EDIL3: variants seen among roughly 807,000 people sequenced by gnomAD.
EDIL3 encodes EGF-like repeat and discoidin I-like domain-containing protein 3.
In EDIL3, 37 loss-of-function variants were observed where a neutral mutation model predicts 67.4. The ratio of observed to expected loss-of-function variants is 0.55; its 90% CI spans 0.42 to 0.72. The LOEUF is 0.72. Among genes scored for constraint, EDIL3 ranks in the 30% least tolerant of loss-of-function variants. EDIL3 has a pLI of 0.00. For synonymous variants in EDIL3, 195 were observed against 196.3 expected, an observed-to-expected ratio of 0.99 and a Z score of 0.05; for missense variants, 527 against 586.3, an observed-to-expected ratio of 0.90 and a Z score of 1.04.
chr5:84,154,292 G>A (rs965902719), intron 4 of EDIL3, among the ~76,000 whole-genome samples: 2 of 152,068 alleles, frequency 1.3e-5, no homozygotes, highest in East Asian at 3.9e-4. Context: ...GAGGGGCAAA[G>A]AATTGGGGCA....
At chr5:84,052,257 G>T (rs1259073694) in intron 9 of EDIL3, among the ~76,000 whole-genome samples, 1 of 152,200 alleles carries the variant, frequency 6.6e-6, no homozygotes, top group African/African-American at 2.4e-5. Flanking sequence ...ACAAGCAAAT[G>T]CTGAGAGATT....
At chr5:83,977,227 A>C (rs1744890624) in intron 9 of EDIL3, among the ~76,000 whole-genome samples, 1 of 151,874 alleles carries the variant, frequency 6.6e-6, no homozygotes, top group Non-Finnish European at 1.5e-5. Context: ...CTTCAGCTTT[A>C]ATTTCCTAAC....
intron 1 of EDIL3, among the ~76,000 whole-genome samples, chr5:84,264,646 T>C (rs1163577767): frequency 1.3e-5 from 2 of 152,212 alleles, no homozygotes; most frequent in Non-Finnish European, 2.9e-5. Flanking sequence ...TTAGATAATA[T>C]ATTTTTGTAA....
chr5:84,345,446 T>A (rs2112182289), intron 1 of EDIL3, among the ~76,000 whole-genome samples: 1 of 152,186 alleles, frequency 6.6e-6, no homozygotes, highest in East Asian at 1.9e-4. Context: ...TGACTTAGGT[T>A]GAATTTAAGA....
chr5:84,046,773 A>G (rs1746231587), intron 9 of EDIL3, among the ~76,000 whole-genome samples: 1 of 152,194 alleles, frequency 6.6e-6, no homozygotes, highest in Non-Finnish European at 1.5e-5. Flanking sequence ...ACAAACGAAA[A>G]TTCATTTGCA....
intron 1 of EDIL3, among the ~76,000 whole-genome samples, chr5:84,262,600 G>A (rs1197126625): frequency 4.3e-5 from 6 of 138,116 alleles, no homozygotes; most frequent in East Asian, 2.2e-4. Flanking sequence ...AATAAGTAGC[G>A]AAAATTTTGT....
At chr5:84,370,103 GA>G (rs1747813842) in intron 1 of EDIL3, among the ~76,000 whole-genome samples, 1 of 152,080 alleles carries the variant, frequency 6.6e-6, no homozygotes, top group African/African-American at 2.4e-5. Flanking sequence ...TACCTTTTTA[GA>G]AAGATATGTC....
chr5:84,062,061 C>T (rs2112237077), intron 8 of EDIL3, among the ~76,000 whole-genome samples: 1 of 152,092 alleles, frequency 6.6e-6, no homozygotes, highest in East Asian at 1.9e-4. Context: ...ACATGGAAAA[C>T]ATGACATGGA....
intron 9 of EDIL3, among the ~76,000 whole-genome samples, chr5:84,004,236 T>C (rs1015546576): frequency 6.6e-6 from 1 of 152,132 alleles, no homozygotes; most frequent in Non-Finnish European, 1.5e-5. Context: ...TGTGAGAATT[T>C]CAACAACCCA....
chr5:84,252,220 G>A (rs1745036744), intron 2 of EDIL3, among the ~76,000 whole-genome samples: 1 of 151,910 alleles, frequency 6.6e-6, no homozygotes, highest in Non-Finnish European at 1.5e-5. Context: ...GGCCGGGCGC[G>A]GTCGCTCACG....
intron 8 of EDIL3, among the ~76,000 whole-genome samples, chr5:84,063,084 A>G (rs1746572938): frequency 6.6e-6 from 1 of 152,152 alleles, no homozygotes; most frequent in Non-Finnish European, 1.5e-5. Flanking sequence ...GTAAAGTGTC[A>G]GGTGCAATGT....
intron 1 of EDIL3, among the ~76,000 whole-genome samples, chr5:84,281,962 A>C (rs1580053307): frequency 7.2e-6 from 1 of 139,654 alleles, no homozygotes; most frequent in East Asian, 2.1e-4. Flanking sequence ...TGCCTCCCGG[A>C]TTCAAGTGAT....
At chr5:84,100,904 T>C (rs565256866) in intron 6 of EDIL3, among the ~76,000 whole-genome samples, 1 of 152,234 alleles carries the variant, frequency 6.6e-6, no homozygotes, top group East Asian at 1.9e-4. Context: ...ATATTATTAC[T>C]ATTAGAAAAT....
rs530448346 is a variant in EDIL3 at position 84,366,131 on chromosome 5, T to A, written c.67+18177A>T. On this transcript the variant is annotated intron_variant, in intron 1 of 10. Coordinates refer to ENST00000296591, the MANE Select transcript of EDIL3 (RefSeq NM_005711.5). Reference sequence around the variant, plus strand: ...TATTTTGCCAAAAAGTAAAAAAATATATATAAAATAAAATAAAGAAAAACA... The same window carrying A: ...TATTTTGCCAAAAAGTAAAAAAATAAATATAAAATAAAATAAAGAAAAACA... 7.0e-4 allele frequency among the ~76,000 whole-genome samples: 107 copies of A among 152,018 alleles called. 1 individual carries two copies. Among genetic ancestry groups the A allele is most frequent in the South Asian group, 4.8e-3 (23 of 4,820 alleles).
chr5:84,278,305 C>T (rs1745628356), intron 1 of EDIL3, among the ~76,000 whole-genome samples: 1 of 152,172 alleles, frequency 6.6e-6, no homozygotes, highest in Non-Finnish European at 1.5e-5. Flanking sequence ...ATTACGTCAT[C>T]TGTAACTAAA....
intron 5 of EDIL3, among the ~76,000 whole-genome samples, chr5:84,128,603 G>A (rs1410491276): frequency 6.6e-6 from 1 of 152,026 alleles, no homozygotes. Flanking sequence ...TATTTGGGTT[G>A]TCCCCCTGCT....
chr5:84,124,464 C>G (rs986718027), intron 5 of EDIL3, among the ~76,000 whole-genome samples: 2 of 146,446 alleles, frequency 1.4e-5, no homozygotes, highest in African/African-American at 4.9e-5. Flanking sequence ...ACCTTTTGTT[C>G]AAAACAGGTG....
intron 1 of EDIL3, among the ~76,000 whole-genome samples, chr5:84,325,260 A>C (rs1352264717): frequency 6.6e-6 from 1 of 151,930 alleles, no homozygotes; most frequent in African/African-American, 2.4e-5. Context: ...TGTATAGTGA[A>C]TTCTTAAATC....
intron 1 of EDIL3, among the ~76,000 whole-genome samples, chr5:84,267,162 C>T (rs183533826): frequency 1.3e-4 from 20 of 152,278 alleles, no homozygotes; most frequent in Middle Eastern, 3.4e-3. Context: ...TCACTTTCTC[C>T]CTTCACCTCT....
Sources: allele counts gnomAD v4.1 joint callset (sites outside exome capture counted in the v4.1 genomes callset), GRCh38; gene constraint gnomAD v4.1.1; transcripts MANE v1.5; gene names NCBI Gene and HGNC (gene_info 2026-07-23, HGNC 2026-07-21).